Variants in SYNE1 observed in about 807,000 individuals in gnomAD.
The protein encoded by SYNE1 is spectrin repeat containing nuclear envelope protein 1.
Under a neutral mutation model 1,111.0 loss-of-function variants are expected in SYNE1, and 616 were observed. The observed-to-expected ratio is 0.55, with a 90% CI of 0.52 to 0.59. The LOEUF (loss-of-function observed/expected upper bound fraction) is 0.59, where lower values mean the gene tolerates loss of function less well. SYNE1 is among the 20% of genes least tolerant of loss of function. The pLI, the probability that SYNE1 is intolerant of heterozygous loss-of-function variation, is 0.00. For synonymous variants in SYNE1, 3,855 were observed against 3,825.8 expected (o/e 1.01, Z -0.28); for missense variants, 10,006 against 10,417.0 (o/e 0.96, Z 1.72).
At chr6:152,310,963 A>G in intron 87 of SYNE1, 90 bp from the exon 88 acceptor site, 2 of 1,333,184 alleles carry the variant, frequency 1.5e-6, no homozygotes, top group Non-Finnish European at 2.1e-6. Context: ...GCCCTGTGTA[A>G]GTTCTGTGTG....
At chr6:152,321,133 C>A (rs2095860890) in intron 84 of SYNE1, 105 bp downstream of exon 84, 2 of 1,303,008 alleles carry the variant, frequency 1.5e-6, no homozygotes, top group East Asian at 4.9e-5. Context: ...TTTTTTTTAA[C>A]TCTGTCTCCA....
chr6:152,502,779 A>C (rs1436859062), intron 9 of SYNE1, 37 bp from the exon 10 acceptor site: 1 of 1,428,728 alleles, frequency 7.0e-7, no homozygotes, highest in South Asian at 1.2e-5. Flanking sequence ...TAAACTAATT[A>C]GCATTCATTG....
intron 22 of SYNE1, 117 bp downstream of exon 22, chr6:152,458,640 A>T: frequency 9.3e-7 from 1 of 1,073,846 alleles, no homozygotes; most frequent in Non-Finnish European, 1.4e-6. Flanking sequence ...TTGAGTTAGT[A>T]GTACTATTCT....
intron 3 of SYNE1, among the ~76,000 whole-genome samples, chr6:152,600,418 A>AT (rs997860979): frequency 3.3e-5 from 5 of 152,120 alleles, no homozygotes; most frequent in Admixed American, 2.0e-4. Context: ...AATTGTTCCT[A>AT]TTTTTTTAAA....
intron 72 of SYNE1, among the ~76,000 whole-genome samples, chr6:152,348,219 A>G (rs2096673415): frequency 6.6e-6 from 1 of 152,138 alleles, no homozygotes; most frequent in South Asian, 2.1e-4. Flanking sequence ...TCATTGTTTT[A>G]TAGATGAGGA....
chr6:152,280,102 C>T (rs187325344), intron 97 of SYNE1, among the ~76,000 whole-genome samples: 8 of 152,126 alleles, frequency 5.3e-5, no homozygotes, highest in Non-Finnish European at 1.0e-4. Context: ...AAATGAAGTG[C>T]CCAGACCCAC....
intron 98 of SYNE1, among the ~76,000 whole-genome samples, chr6:152,275,510 T>C (rs1273668405): frequency 6.6e-6 from 1 of 152,212 alleles, no homozygotes; most frequent in Non-Finnish European, 1.5e-5. Flanking sequence ...GGAATAGTTA[T>C]TGTTTAATTT....
intron 5 of SYNE1, among the ~76,000 whole-genome samples, chr6:152,525,498 A>G (rs567619812): frequency 6.6e-6 from 1 of 152,300 alleles, no homozygotes; most frequent in Non-Finnish European, 1.5e-5. Flanking sequence ...ATAATTTATT[A>G]TTTGACAATG....
chr6:152,204,890 C>T (rs1269266805), intron 126 of SYNE1, among the ~76,000 whole-genome samples: 1 of 151,986 alleles, frequency 6.6e-6, no homozygotes, highest in Non-Finnish European at 1.5e-5. Context: ...AATCACATCA[C>T]AAATTTAAAA....
At chr6:152,558,412 A>C (rs937000659) in intron 3 of SYNE1, among the ~76,000 whole-genome samples, 1 of 152,218 alleles carries the variant, frequency 6.6e-6, no homozygotes, top group Non-Finnish European at 1.5e-5. Flanking sequence ...TGGATTAAAA[A>C]GTATAAGATC....
At chr6:152,258,137 G>C (rs372776969) in intron 101 of SYNE1, among the ~76,000 whole-genome samples, 5 of 152,184 alleles carry the variant, frequency 3.3e-5, no homozygotes, top group African/African-American at 1.2e-4. Context: ...AATTCTGAAG[G>C]GATAAAAGTA....
intron 59 of SYNE1, among the ~76,000 whole-genome samples, chr6:152,371,837 G>C (rs1281998275): frequency 4.4e-5 from 3 of 68,898 alleles, no homozygotes. Flanking sequence ...GGACAGGACA[G>C]GACAGGACAG....
At chr6:152,589,437 C>T (rs1382185464) in intron 3 of SYNE1, among the ~76,000 whole-genome samples, 1 of 151,990 alleles carries the variant, frequency 6.6e-6, no homozygotes, top group Non-Finnish European at 1.5e-5. Flanking sequence ...TGTGAAAACT[C>T]TTCATCTTCT....
At chr6:152,364,303 T>C (rs2097010362) in intron 63 of SYNE1, among the ~76,000 whole-genome samples, 1 of 152,138 alleles carries the variant, frequency 6.6e-6, no homozygotes, top group Non-Finnish European at 1.5e-5. Context: ...AATGTCTTCC[T>C]AGCAGAGTGA....
At position 152,402,024 on chromosome 6, in the gene SYNE1, A is replaced by T. The variant is rs184492994; in HGVS notation, c.6826-683T>A. ...TCAGATCTGCTGGGAGCAGGAGACC[A>T]ACAGTGTGGAAGGGAGTAAATATCT... On this transcript the variant is annotated intron_variant, in intron 46 of 145. Transcript: ENST00000367255. Among the ~76,000 whole-genome samples the T allele has an allele frequency of 5.6e-4, 85 of 152,336 alleles. 1 individual carries two copies. The East Asian group carries it at 0.011, about 20-fold the overall frequency.
In SYNE1 at chr6:152,407,897, G is replaced by C. The variant is rs1160024099; in HGVS notation, c.6541-701C>G. Among the ~76,000 whole-genome samples the C allele has an allele frequency of 2.6e-5, 4 of 151,864 alleles. No homozygotes were observed. In the South Asian group the frequency reaches 8.3e-4, roughly 32 times the overall value. Reference sequence around the variant, plus strand: ...CCACCTCAGCCTCCACAGTAGCTAGGATTACAGGCGCTCGCCACCACGCCC... The same window carrying C: ...CCACCTCAGCCTCCACAGTAGCTAGCATTACAGGCGCTCGCCACCACGCCC... On this transcript the variant is annotated intron_variant, in intron 44 of 145. Transcript: ENST00000367255.
chr6:152,223,788 T>C (rs957739211), intron 117 of SYNE1, among the ~76,000 whole-genome samples: 13 of 152,180 alleles, frequency 8.5e-5, no homozygotes, highest in Non-Finnish European at 1.6e-4. Flanking sequence ...TGGCCTCCCA[T>C]CCCTTAGGGG....
At chr6:152,314,955 G>A (rs1359576364) in intron 87 of SYNE1, among the ~76,000 whole-genome samples, 1 of 138,364 alleles carries the variant, frequency 7.2e-6, no homozygotes, top group Non-Finnish European at 1.6e-5. Flanking sequence ...TCACGCCACT[G>A]AGCTACAGCC....
intron 2 of SYNE1, among the ~76,000 whole-genome samples, chr6:152,635,702 AAAG>A (rs2099704826): frequency 6.6e-6 from 1 of 152,242 alleles, no homozygotes; most frequent in South Asian, 2.1e-4. Context: ...GATGGGCATT[AAAG>A]AAGAGAAAAA....
Sources: allele counts gnomAD v4.1 joint callset (sites outside exome capture counted in the v4.1 genomes callset), GRCh38; gene constraint gnomAD v4.1.1; transcripts MANE v1.5; gene names NCBI Gene and HGNC (gene_info 2026-07-23, HGNC 2026-07-21).